The following PARM1 variants were observed in gnomAD, a reference collection of about 807,000 sequenced individuals.
PARM1 encodes the protein prostate androgen-regulated mucin-like protein 1.
In PARM1, 14 loss-of-function variants were observed where a neutral mutation model predicts 24.6. The ratio of observed to expected loss-of-function variants is 0.57; its 90% CI spans 0.38 to 0.89. PARM1 has a LOEUF of 0.89. Ranked by LOEUF, PARM1 falls within the 40% of genes least tolerant of loss-of-function variation. PARM1 has a pLI of 0.00. For missense variants in PARM1, 362 were observed against 380.4 expected, an observed-to-expected ratio of 0.95 and a Z score of 0.40; for synonymous variants, 179 against 156.6, an observed-to-expected ratio of 1.14 and a Z score of -1.07.
intron 3 of PARM1, among the ~76,000 whole-genome samples, chr4:75,039,456 C>T (rs1333271545): frequency 6.6e-6 from 1 of 152,150 alleles, no homozygotes; most frequent in Non-Finnish European, 1.5e-5. Context: ...ATGGCATGAA[C>T]CTGGGATGTG....
intron 1 of PARM1, among the ~76,000 whole-genome samples, chr4:74,936,957 CACCCATT>C (rs1721206885): frequency 6.6e-6 from 1 of 152,104 alleles, no homozygotes; most frequent in South Asian, 2.1e-4. Context: ...CAGGACCTTC[CACCCATT>C]ACCCAGGCAC....
chr4:74,989,814 A>AGAGATT (rs1432518611), intron 1 of PARM1, among the ~76,000 whole-genome samples: 1 of 152,144 alleles, frequency 6.6e-6, no homozygotes, highest in Non-Finnish European at 1.5e-5. Flanking sequence ...TTATCACTCT[A>AGAGATT]GAGATTCAAA....
intron 2 of PARM1, among the ~76,000 whole-genome samples, chr4:75,014,634 G>T (rs1022190732): frequency 6.6e-6 from 1 of 152,242 alleles, no homozygotes; most frequent in Admixed American, 6.5e-5. Flanking sequence ...CCTCTGATAT[G>T]CAGCAAGAAG....
chr4:74,984,669 A>T (rs2109774666), intron 1 of PARM1, among the ~76,000 whole-genome samples: 1 of 152,198 alleles, frequency 6.6e-6, no homozygotes, highest in East Asian at 1.9e-4. Context: ...AGAATAGCTA[A>T]TTTTTTTTGA....
chr4:74,947,349 A>G (rs183040982), intron 1 of PARM1, among the ~76,000 whole-genome samples: 2 of 152,342 alleles, frequency 1.3e-5, no homozygotes, highest in Admixed American at 1.3e-4. Context: ...TCTTCAATAA[A>G]TGAATTACAA....
chr4:74,961,169 G>T (rs1721766288), intron 1 of PARM1, among the ~76,000 whole-genome samples: 1 of 152,136 alleles, frequency 6.6e-6, no homozygotes, highest in African/African-American at 2.4e-5. Flanking sequence ...TAAAAAGTTT[G>T]CCAGTAAGAT....
At chr4:74,992,198 A>C (rs1007560326) in intron 1 of PARM1, among the ~76,000 whole-genome samples, 4 of 152,150 alleles carry the variant, frequency 2.6e-5, no homozygotes, top group Admixed American at 2.0e-4. Flanking sequence ...TTGGGTTTTT[A>C]TGGATACTTC....
chr4:74,957,796 C>T (rs1306610312), intron 1 of PARM1, among the ~76,000 whole-genome samples: 1 of 152,074 alleles, frequency 6.6e-6, no homozygotes, highest in Non-Finnish European at 1.5e-5. Flanking sequence ...CCTTTGTGAA[C>T]AATTTTAATA....
At chr4:74,939,470 G>A (rs1721258561) in intron 1 of PARM1, among the ~76,000 whole-genome samples, 1 of 151,952 alleles carries the variant, frequency 6.6e-6, no homozygotes, top group African/African-American at 2.4e-5. Context: ...TTTAATGGTA[G>A]CAATGATCTT....
intron 1 of PARM1, among the ~76,000 whole-genome samples, chr4:75,000,532 C>A (rs923973767): frequency 6.6e-6 from 1 of 152,084 alleles, no homozygotes; most frequent in African/African-American, 2.4e-5. Context: ...GACACAGTTG[C>A]GTTAAGGACA....
chr4:75,042,601 A>G (rs1256127201), intron 3 of PARM1, among the ~76,000 whole-genome samples: 1 of 151,336 alleles, frequency 6.6e-6, no homozygotes, highest in Non-Finnish European at 1.5e-5. Context: ...TTTTAACCTC[A>G]TACACTATGC....
chr4:75,013,080 C>G lies in PARM1; in HGVS notation c.699C>G (p.Leu233=). The G allele has an allele frequency of 6.2e-7, 1 of 1,613,972 alleles. No homozygotes were observed. The highest frequency in any genetic ancestry group is 8.5e-7 in the Non-Finnish European group (1 of 1,179,884). Residue 233 remains leucine, a synonymous_variant, in exon 2 of 4, where the codon CTC becomes CTG. Transcript: ENST00000307428. Reference sequence around the variant, plus strand: ...TGTCAGGCAAAGTGATGTGTGAGCTCATAGACATGGAGACCACCACCACCT... The same window carrying G: ...TGTCAGGCAAAGTGATGTGTGAGCTGATAGACATGGAGACCACCACCACCT... ...TTVSGKVMCE[L]IDMETTTTFP...
chr4:75,026,536 T>C (rs1326625224), intron 2 of PARM1, among the ~76,000 whole-genome samples: 2 of 152,166 alleles, frequency 1.3e-5, no homozygotes, highest in Non-Finnish European at 2.9e-5. Context: ...CAAGAGAAGG[T>C]TGGACTTGAG....
chr4:74,936,455 T>TTG (rs1721188562), intron 1 of PARM1, among the ~76,000 whole-genome samples: 3 of 110,288 alleles, frequency 2.7e-5, no homozygotes, highest in Admixed American at 9.0e-5. Context: ...TTTTGTTTGT[T>TTG]TTTTTGTTTT....
chr4:74,952,532 G>T (rs1245286724), intron 1 of PARM1, among the ~76,000 whole-genome samples: 1 of 152,134 alleles, frequency 6.6e-6, no homozygotes, highest in Non-Finnish European at 1.5e-5. Flanking sequence ...GTCCTGAATG[G>T]TATTGCCTAG....
intron 1 of PARM1, among the ~76,000 whole-genome samples, chr4:74,940,949 C>T (rs1249731618): frequency 6.6e-6 from 1 of 152,180 alleles, no homozygotes; most frequent in Non-Finnish European, 1.5e-5. Context: ...CTCAGAATTA[C>T]AACATGAGGT....
At chr4:74,978,061 G>A (rs1350277510) in intron 1 of PARM1, among the ~76,000 whole-genome samples, 1 of 152,164 alleles carries the variant, frequency 6.6e-6, no homozygotes, top group South Asian at 2.1e-4. Flanking sequence ...ACATTGACAA[G>A]TCTGCAAAAT....
In PARM1 at chr4:75,012,406, T is replaced by G. The variant is rs770317662; in HGVS notation, c.44-19T>G. 33 of 1,607,800 alleles carry G rather than the reference T, an allele frequency of 2.1e-5. No individual in the cohort carries two copies. The South Asian group carries it at 3.6e-4, about 18-fold the overall frequency. ...CGTGTTTTCACATATTAACCACTTT[T>G]GTACTGGCTTTTCCACAGGATGGAG... On this transcript the variant is annotated intron_variant, in intron 1 of 3. Transcript: ENST00000307428.
chr4:74,988,950 G>C (rs1028740652), intron 1 of PARM1, among the ~76,000 whole-genome samples: 1 of 152,126 alleles, frequency 6.6e-6, no homozygotes, highest in African/African-American at 2.4e-5. Context: ...TGTGCTGAAG[G>C]GCTAGTTTGG....
Sources: gnomAD v4.1 joint callset for allele counts (sites outside exome capture counted in the v4.1 genomes callset) on GRCh38, gnomAD v4.1.1 for gene constraint, MANE v1.5 for transcripts, NCBI Gene and HGNC (gene_info 2026-07-23, HGNC 2026-07-21) for gene names.